Variants in CTNNA3 observed in about 807,000 individuals in gnomAD.
CTNNA3 encodes the protein catenin alpha 3, also known as catenin alpha-3.
In CTNNA3, 76 loss-of-function variants were observed where a neutral mutation model predicts 95.7. The ratio of observed to expected loss-of-function variants is 0.79; its 90% CI spans 0.66 to 0.96. The LOEUF is 0.96. Among genes scored for constraint, CTNNA3 ranks in the 40% least tolerant of loss-of-function variants. The probability of loss-of-function intolerance (pLI) is 0.00; values close to 1 mark genes in which losing one functional copy is unlikely to be tolerated. For missense variants in CTNNA3, 1,191 were observed against 1,089.8 expected, an observed-to-expected ratio of 1.09 and a Z score of -1.31; for synonymous variants, 431 against 374.4, an observed-to-expected ratio of 1.15 and a Z score of -1.74.
intron 13 of CTNNA3, among the ~76,000 whole-genome samples, chr10:66,240,722 G>GA (rs1316020231): frequency 6.6e-6 from 1 of 151,886 alleles, no homozygotes; most frequent in Non-Finnish European, 1.5e-5. Context: ...AAAATGAAGA[G>GA]AAAATCTTTG....
intron 13 of CTNNA3, among the ~76,000 whole-genome samples, chr10:66,109,055 C>G (rs2082017607): frequency 6.6e-6 from 1 of 152,152 alleles, no homozygotes; most frequent in South Asian, 2.1e-4. Flanking sequence ...TACTAACTTG[C>G]CCTACTCCTT....
At chr10:66,701,104 C>T (rs981049888) in intron 9 of CTNNA3, among the ~76,000 whole-genome samples, 10 of 152,192 alleles carry the variant, frequency 6.6e-5, no homozygotes, top group African/African-American at 2.2e-4. Context: ...TGTTCCAGCA[C>T]CATTTGTTGA....
chr10:66,505,911 G>C (rs572335261), intron 11 of CTNNA3, among the ~76,000 whole-genome samples: 1 of 152,130 alleles, frequency 6.6e-6, no homozygotes, highest in Admixed American at 6.5e-5. Context: ...TTGCTATAAA[G>C]GAATATCCAA....
intron 5 of CTNNA3, among the ~76,000 whole-genome samples, chr10:67,385,660 C>G (rs1371690152): frequency 6.6e-6 from 1 of 151,324 alleles, no homozygotes; most frequent in East Asian, 1.9e-4. Context: ...CCTTTTTTTT[C>G]TCTTCCCCAC....
At chr10:67,629,511 T>C (rs1188533198) in intron 2 of CTNNA3, among the ~76,000 whole-genome samples, 1 of 152,154 alleles carries the variant, frequency 6.6e-6, no homozygotes, top group Non-Finnish European at 1.5e-5. Flanking sequence ...AATGCAGGAA[T>C]GAACAGAAGA....
At chr10:66,014,102 G>A (rs911862966) in intron 15 of CTNNA3, among the ~76,000 whole-genome samples, 1 of 143,456 alleles carries the variant, frequency 7.0e-6, no homozygotes, top group Non-Finnish European at 1.6e-5. Flanking sequence ...TTCATTATAC[G>A]CATAATTTTT....
At chr10:66,415,865 T>C (rs779463460) in intron 11 of CTNNA3, among the ~76,000 whole-genome samples, 1 of 151,926 alleles carries the variant, frequency 6.6e-6, no homozygotes, top group East Asian at 1.9e-4. Context: ...TGAAAGCAAA[T>C]TGAAAAAGTT....
intron 5 of CTNNA3, among the ~76,000 whole-genome samples, chr10:67,400,753 T>C (rs1844886317): frequency 6.6e-6 from 1 of 152,178 alleles, no homozygotes; most frequent in Admixed American, 6.5e-5. Flanking sequence ...ATTAATAATA[T>C]GTAATTTAAT....
At chr10:67,248,774 T>C (rs138133530) in intron 5 of CTNNA3, among the ~76,000 whole-genome samples, 57 of 152,278 alleles carry the variant, frequency 3.7e-4, no homozygotes, top group African/African-American at 1.3e-3. Flanking sequence ...GACTCCTACC[T>C]CACACCATAC....
intron 3 of CTNNA3, among the ~76,000 whole-genome samples, chr10:67,602,793 A>G (rs781132765): frequency 4.6e-5 from 7 of 152,216 alleles, no homozygotes; most frequent in Non-Finnish European, 1.0e-4. Flanking sequence ...AATAGATCAC[A>G]TTTTCCTACA....
intron 10 of CTNNA3, among the ~76,000 whole-genome samples, chr10:66,558,850 A>G (rs1225400681): frequency 6.6e-6 from 1 of 152,106 alleles, no homozygotes; most frequent in Non-Finnish European, 1.5e-5. Flanking sequence ...TTTAATTAGT[A>G]TCTATTCAAA....
At chr10:66,294,563 A>G (rs1192672071) in intron 12 of CTNNA3, among the ~76,000 whole-genome samples, 1 of 152,190 alleles carries the variant, frequency 6.6e-6, no homozygotes, top group Non-Finnish European at 1.5e-5. Context: ...ACAAGTTAGG[A>G]GGTTTTAGAG....
chr10:66,745,237 G>T (rs1176539408), intron 9 of CTNNA3, among the ~76,000 whole-genome samples: 1 of 152,172 alleles, frequency 6.6e-6, no homozygotes, highest in East Asian at 1.9e-4. Flanking sequence ...GGCATATGCA[G>T]AAGTAACCAC....
chr10:66,338,064 A>G (rs114316027), intron 12 of CTNNA3, among the ~76,000 whole-genome samples: 2,223 of 152,180 alleles, frequency 0.015, 54 homozygotes, highest in African/African-American at 0.051. Flanking sequence ...TCATCAGTTT[A>G]AGAATAGATA....
At chr10:66,080,571 A>G (rs2080717424) in intron 14 of CTNNA3, among the ~76,000 whole-genome samples, 1 of 152,222 alleles carries the variant, frequency 6.6e-6, no homozygotes, top group South Asian at 2.1e-4. Context: ...ATCAACAACC[A>G]AAGCCAAAAC....
chr10:67,183,595 C>G (rs897278040), intron 6 of CTNNA3, among the ~76,000 whole-genome samples: 2 of 151,628 alleles, frequency 1.3e-5, no homozygotes, highest in African/African-American at 4.8e-5. Flanking sequence ...TGTTAAATGA[C>G]GAGTTAATGG....
At chr10:66,815,003 C>T (rs1431998446) in intron 7 of CTNNA3, among the ~76,000 whole-genome samples, 2 of 151,780 alleles carry the variant, frequency 1.3e-5, no homozygotes, top group South Asian at 2.1e-4. Context: ...AGGCGCCTGC[C>T]ACCACGCCTG....
At chr10:67,179,975 C>A (rs1862435555) in intron 7 of CTNNA3, among the ~76,000 whole-genome samples, 1 of 152,122 alleles carries the variant, frequency 6.6e-6, no homozygotes, top group Non-Finnish European at 1.5e-5. Context: ...TGATCCTGAG[C>A]AATCTGCCCC....
At chr10:66,619,452 G>A (rs9664010) in intron 10 of CTNNA3, among the ~76,000 whole-genome samples, 3 of 116,512 alleles carry the variant, frequency 2.6e-5, no homozygotes, top group Non-Finnish European at 5.6e-5. Flanking sequence ...TCAGCAAACT[G>A]TCGCAAGGAC....
Sources: gnomAD v4.1 joint callset for allele counts (sites outside exome capture counted in the v4.1 genomes callset) on GRCh38, gnomAD v4.1.1 for gene constraint, MANE v1.5 for transcripts, NCBI Gene and HGNC (gene_info 2026-07-23, HGNC 2026-07-21) for gene names.